The following ASCC3 variants were observed in gnomAD, a reference collection of about 807,000 sequenced individuals.
ASCC3 encodes the protein activating signal cointegrator 1 complex subunit 3.
ASCC3 carries 158 observed loss-of-function variants against 256.3 expected under a neutral mutation model. That is an observed-to-expected ratio of 0.62 (90% confidence interval 0.54 to 0.70). The LOEUF (loss-of-function observed/expected upper bound fraction) is 0.70, where lower values mean the gene tolerates loss of function less well. Ranked by LOEUF, ASCC3 falls within the 30% of genes least tolerant of loss-of-function variation. The pLI is 0.00. For missense variants in ASCC3, 2,259 were observed against 2,626.0 expected, an observed-to-expected ratio of 0.86 and a Z score of 3.05; for synonymous variants, 948 against 883.4, an observed-to-expected ratio of 1.07 and a Z score of -1.30.
chr6:100,861,854 G>A (rs1306410899), intron 3 of ASCC3, among the ~76,000 whole-genome samples: 1 of 151,968 alleles, frequency 6.6e-6, no homozygotes, highest in African/African-American at 2.4e-5. Context: ...TTTTTGACTT[G>A]TGGCCAGAGA....
At chr6:100,519,527 C>T (rs1249407738) in intron 37 of ASCC3, among the ~76,000 whole-genome samples, 2 of 151,962 alleles carry the variant, frequency 1.3e-5, no homozygotes, top group African/African-American at 2.4e-5. Context: ...ATGATGAATG[C>T]TACTCATAGA....
intron 36 of ASCC3, among the ~76,000 whole-genome samples, chr6:100,567,009 G>A (rs1770289788): frequency 6.6e-6 from 1 of 152,004 alleles, no homozygotes; most frequent in South Asian, 2.1e-4. Context: ...TATCTCAACA[G>A]TCTTTAACTC....
chr6:100,783,628 G>A (rs1161117359), intron 8 of ASCC3, among the ~76,000 whole-genome samples: 4 of 152,080 alleles, frequency 2.6e-5, no homozygotes, highest in Non-Finnish European at 5.9e-5. Context: ...ACATTGTAAC[G>A]TTTAAAGAAA....
rs1344228052 is a variant in ASCC3 at position 100,606,836 on chromosome 6, C to A, written c.4948G>T (p.Ala1650Ser). The A allele has an allele frequency of 6.2e-7, 1 of 1,612,024 alleles. No individual in the cohort carries two copies. The highest frequency in any genetic ancestry group is 1.7e-5 in the Admixed American group (1 of 59,904). Residue 1650 changes from alanine to serine, a missense_variant, in exon 32 of 42, where the codon GCC becomes TCC. Physicochemically the swap from Ala to Ser is moderately conservative, Grantham distance 99. Transcript: ENST00000369162. ...TGAGCTGGAAAGTTTACACCCCAGGCTAATGTGCTTGTAGCAATAAGAACC... is the reference window on the plus strand; with the variant it reads ...TGAGCTGGAAAGTTTACACCCCAGGATAATGTGCTTGTAGCAATAAGAACC... ...VQVLIATSTL[A>S]WGVNFPAHLV...
At chr6:100,521,801 G>C (rs1582381797) in intron 37 of ASCC3, among the ~76,000 whole-genome samples, 1 of 152,226 alleles carries the variant, frequency 6.6e-6, no homozygotes, top group African/African-American at 2.4e-5. Flanking sequence ...CCAGGCAAAT[G>C]GATTGGAGAG....
intron 30 of ASCC3, among the ~76,000 whole-genome samples, chr6:100,617,780 T>C (rs1773744427): frequency 6.6e-6 from 1 of 152,242 alleles, no homozygotes; most frequent in Non-Finnish European, 1.5e-5. Flanking sequence ...TATACTGGCA[T>C]CACATTCTCA....
intron 13 of ASCC3, among the ~76,000 whole-genome samples, chr6:100,686,241 G>A (rs1337721446): frequency 6.6e-6 from 1 of 152,148 alleles, no homozygotes; most frequent in African/African-American, 2.4e-5. Context: ...ACAAATGTTA[G>A]CAGTTGTTTA....
intron 38 of ASCC3, 63 bp from the exon 39 acceptor site, chr6:100,516,390 AT>A: frequency 6.3e-7 from 1 of 1,581,012 alleles, no homozygotes; most frequent in Non-Finnish European, 8.7e-7. Context: ...TTTTCTGACA[AT>A]GGTGGTTTAT....
At chr6:100,787,872 A>G (rs1411784305) in intron 8 of ASCC3, among the ~76,000 whole-genome samples, 1 of 152,044 alleles carries the variant, frequency 6.6e-6, no homozygotes, top group Non-Finnish European at 1.5e-5. Context: ...CTCCAACTTT[A>G]AAATTTACAG....
chr6:100,635,405 A>T (rs555284532), intron 25 of ASCC3, among the ~76,000 whole-genome samples: 29 of 152,140 alleles, frequency 1.9e-4, no homozygotes, highest in Non-Finnish European at 3.4e-4. Context: ...TCATAGAAGG[A>T]AAGAGTAGGA....
chr6:100,683,736 C>T, intron 13 of ASCC3, among the ~76,000 whole-genome samples: 1 of 152,020 alleles, frequency 6.6e-6, no homozygotes, highest in East Asian at 1.9e-4. Flanking sequence ...ATAATGATGG[C>T]AAATTCAGAT....
Position 100,602,752 on chromosome 6 carries a change from G to A in ASCC3, c.5178-817C>T, listed in dbSNP as rs147035989. On this transcript the variant is annotated intron_variant, in intron 33 of 41. Coordinates refer to ENST00000369162, the MANE Select transcript of ASCC3 (RefSeq NM_006828.4). The stretch of plus-strand genomic sequence containing the variant: ...GGAGTACACAAAGATAATCAGATGT[G>A]TTGAAAGACTGGTATAACAAAATGT... 3.4e-4 allele frequency among the ~76,000 whole-genome samples: 52 copies of A among 152,124 alleles called. 1 individual carries two copies. The East Asian group carries it at 8.9e-3, about 26-fold the overall frequency.
chr6:100,676,473 T>C (rs1363066383), intron 14 of ASCC3, among the ~76,000 whole-genome samples: 2 of 152,182 alleles, frequency 1.3e-5, no homozygotes, highest in Admixed American at 6.5e-5. Flanking sequence ...TCCTGAGATA[T>C]TCCTGTGCCC....
At chr6:100,608,097 C>CATATATATGTGTATATATGTATATAT (rs1391815541) in intron 30 of ASCC3, among the ~76,000 whole-genome samples, 1 of 45,026 alleles carries the variant, frequency 2.2e-5, no homozygotes, top group Non-Finnish European at 4.1e-5. Flanking sequence ...TATCTATATA[C>CATATATATGTGTATATATGTATATAT]ACATATATAT....
chr6:100,878,283 G>C (rs1769088443), intron 1 of ASCC3, among the ~76,000 whole-genome samples: 1 of 152,208 alleles, frequency 6.6e-6, no homozygotes, highest in Admixed American at 6.5e-5. Flanking sequence ...TTTCTATGGG[G>C]CTCTTATTCT....
At chr6:100,655,595 C>A in intron 17 of ASCC3, 104 bp downstream of exon 17, 2 of 1,336,572 alleles carry the variant, frequency 1.5e-6, no homozygotes, top group South Asian at 2.5e-5. Context: ...TTCTAGGTAC[C>A]TCTTTTCAGA....
chr6:100,805,746 G>A lies in ASCC3; in HGVS notation c.922+14C>T, dbSNP rs1029477848. 6.2e-6 allele frequency: 10 copies of A among 1,608,224 alleles called. No homozygotes were observed. Among genetic ancestry groups the A allele is most frequent in the Admixed American group, 5.0e-5 (3 of 59,720 alleles). On this transcript the variant is annotated intron_variant, in intron 5 of 41. Coordinates refer to ENST00000369162, the MANE Select transcript of ASCC3 (RefSeq NM_006828.4). ...TTTCCTTTAAATTACAATGACCACT[G>A]CATACTTTCTTACCTTGAAGAGCCT...
chr6:100,799,406 C>T (rs1769799271), intron 7 of ASCC3, 25 bp downstream of exon 7: 1 of 1,608,690 alleles, frequency 6.2e-7, no homozygotes, highest in Non-Finnish European at 8.5e-7. Context: ...TATTATTGAA[C>T]AGTAGTTATA....
intron 10 of ASCC3, among the ~76,000 whole-genome samples, chr6:100,732,437 A>AT (rs1779946418): frequency 2.0e-5 from 3 of 152,176 alleles, no homozygotes; most frequent in Non-Finnish European, 2.9e-5. Flanking sequence ...AAATTACAGT[A>AT]AGATAAAGGC....
Sources: allele counts gnomAD v4.1 joint callset (sites outside exome capture counted in the v4.1 genomes callset), GRCh38; gene constraint gnomAD v4.1.1; transcripts MANE v1.5; gene names NCBI Gene and HGNC (gene_info 2026-07-23, HGNC 2026-07-21).